Variants in ARFIP1 observed in about 807,000 individuals in gnomAD.
The protein encoded by ARFIP1 is arfaptin-1.
A neutral mutation model predicts 42.5 loss-of-function variants in ARFIP1; 24 were observed. That is an observed-to-expected ratio of 0.57 (90% CI 0.41 to 0.80). ARFIP1 has a LOEUF of 0.80. Ranked by LOEUF, ARFIP1 falls within the 30% of genes least tolerant of loss-of-function variation. The pLI, the probability that ARFIP1 is intolerant of heterozygous loss-of-function variation, is 0.00. For synonymous variants in ARFIP1, 141 were observed against 153.7 expected (o/e 0.92, Z 0.61); for missense variants, 354 against 434.0 (o/e 0.82, Z 1.64).
intron 2 of ARFIP1, among the ~76,000 whole-genome samples, chr4:152,842,744 T>C (rs1030332213): frequency 6.6e-6 from 1 of 152,196 alleles, no homozygotes; most frequent in Non-Finnish European, 1.5e-5. Flanking sequence ...TAAAAGTGTT[T>C]CCATAAAAGT....
At chr4:152,812,221 T>G (rs4696359) in intron 1 of ARFIP1, among the ~76,000 whole-genome samples, 146,555 of 152,268 alleles carry the variant, frequency 0.96, 70,580 homozygotes, top group Non-Finnish European at 0.98. Context: ...TTGAGATGAG[T>G]TCTTGCTGCG....
At chr4:152,858,700 T>C (rs551874796) in intron 2 of ARFIP1, among the ~76,000 whole-genome samples, 1 of 152,342 alleles carries the variant, frequency 6.6e-6, no homozygotes, top group African/African-American at 2.4e-5. Flanking sequence ...GTGCTGGGTA[T>C]ATAGCAGTAA....
intron 1 of ARFIP1, among the ~76,000 whole-genome samples, chr4:152,820,935 A>G (rs1730316831): frequency 6.6e-6 from 1 of 152,220 alleles, no homozygotes; most frequent in East Asian, 1.9e-4. Context: ...ATAAACTACA[A>G]ACATTTAAGT....
intron 8 of ARFIP1, among the ~76,000 whole-genome samples, chr4:152,893,867 T>G (rs1206542806): frequency 6.6e-6 from 1 of 152,118 alleles, no homozygotes; most frequent in Non-Finnish European, 1.5e-5. Context: ...ATGAAAACTG[T>G]TGTTTTCACT....
intron 5 of ARFIP1, among the ~76,000 whole-genome samples, chr4:152,879,849 C>CAAAAA (rs1554033394): frequency 6.6e-6 from 1 of 151,710 alleles, no homozygotes; most frequent in African/African-American, 2.4e-5. Flanking sequence ...AACTCCATCT[C>CAAAAA]AAACAAAACA....
intron 2 of ARFIP1, among the ~76,000 whole-genome samples, chr4:152,862,384 A>G (rs189902185): frequency 6.0e-4 from 91 of 152,018 alleles, no homozygotes; most frequent in Non-Finnish European, 8.8e-4. Context: ...AAATTGTTGT[A>G]TACTTTCCTC....
chr4:152,802,613 T>C (rs541285272), intron 1 of ARFIP1, among the ~76,000 whole-genome samples: 1 of 134,952 alleles, frequency 7.4e-6, no homozygotes, highest in South Asian at 2.3e-4. Context: ...TAAAGAGCAA[T>C]GTAAATGTGT....
intron 8 of ARFIP1, among the ~76,000 whole-genome samples, chr4:152,897,312 A>G (rs1055357787): frequency 9.6e-5 from 14 of 145,386 alleles, no homozygotes; most frequent in African/African-American, 2.7e-4. Context: ...TAACCAATTC[A>G]TATAGTTTTT....
chr4:152,893,422 G>C (rs534754869), intron 8 of ARFIP1, among the ~76,000 whole-genome samples: 9 of 151,698 alleles, frequency 5.9e-5, no homozygotes, highest in Non-Finnish European at 1.2e-4. Context: ...TTTTTTTTTA[G>C]ATAGCTTTTT....
chr4:152,788,748 C>T (rs925747467), intron 1 of ARFIP1, among the ~76,000 whole-genome samples: 4 of 150,250 alleles, frequency 2.7e-5, no homozygotes, highest in Non-Finnish European at 4.4e-5. Flanking sequence ...AATATTGGCA[C>T]GTAATTATTA....
At chr4:152,854,816 G>A (rs1255973640) in intron 2 of ARFIP1, among the ~76,000 whole-genome samples, 1 of 152,202 alleles carries the variant, frequency 6.6e-6, no homozygotes, top group Non-Finnish European at 1.5e-5. Context: ...ATGTCAGATA[G>A]GTCACTCTTT....
intron 2 of ARFIP1, among the ~76,000 whole-genome samples, chr4:152,854,269 T>C (rs1578939164): frequency 6.6e-6 from 1 of 152,192 alleles, no homozygotes; most frequent in Non-Finnish European, 1.5e-5. Flanking sequence ...TTTTTGAATG[T>C]ATTTTGTATT....
intron 1 of ARFIP1, among the ~76,000 whole-genome samples, chr4:152,815,901 C>T (rs914827762): frequency 6.6e-5 from 10 of 151,842 alleles, no homozygotes; most frequent in Admixed American, 3.9e-4. Context: ...CCCGCCACTA[C>T]GCCCGGCTAA....
At chr4:152,899,081 C>A in intron 8 of ARFIP1, among the ~76,000 whole-genome samples, 1 of 152,128 alleles carries the variant, frequency 6.6e-6, no homozygotes, top group Non-Finnish European at 1.5e-5. Flanking sequence ...GATCTGGATA[C>A]CTGAGCTTTC....
intron 1 of ARFIP1, among the ~76,000 whole-genome samples, chr4:152,781,491 C>T (rs1730495852): frequency 6.6e-6 from 1 of 152,196 alleles, no homozygotes; most frequent in Non-Finnish European, 1.5e-5. Flanking sequence ...CCCTCCTCGG[C>T]CTCCCAAAGT....
At chr4:152,883,736 A>C (rs992592578) in intron 7 of ARFIP1, among the ~76,000 whole-genome samples, 8 of 151,508 alleles carry the variant, frequency 5.3e-5, no homozygotes, top group Admixed American at 3.9e-4. Flanking sequence ...AAAATATGGC[A>C]GACCTATAAT....
rs543656640 is a variant in ARFIP1 at position 152,870,822 on chromosome 4, A to G, written c.272A>G (p.Gln91Arg). 7 of 1,613,958 alleles carry G rather than the reference A, an allele frequency of 4.3e-6. No homozygotes were observed. The South Asian group carries it at 6.6e-5, about 15-fold the overall frequency. Residue 91 changes from glutamine (Q) to arginine (R), a missense_variant, in exon 4 of 9, where the codon CAA becomes CGA. Transcript: ENST00000353617. ...GTTGCAGCTAGTCGACTGGCTCAGC[A>G]AGGAAGTGATTTAATTGTTCCTGCA... ...SRVAASRLAQ[Q>R]GSDLIVPAGG...
chr4:152,844,498 T>A (rs1407813709), intron 2 of ARFIP1, among the ~76,000 whole-genome samples: 14 of 152,210 alleles, frequency 9.2e-5, no homozygotes, highest in Non-Finnish European at 2.9e-5. Flanking sequence ...AATTCTCTTT[T>A]TAAAGATTCC....
chr4:152,903,570 G>A (rs141927643), intron 8 of ARFIP1, among the ~76,000 whole-genome samples: 28 of 151,842 alleles, frequency 1.8e-4, no homozygotes, highest in African/African-American at 6.8e-4. Context: ...CTGATCTGAT[G>A]TGCATGTATA....
Sources: gnomAD v4.1 joint callset for allele counts (sites outside exome capture counted in the v4.1 genomes callset) on GRCh38, gnomAD v4.1.1 for gene constraint, MANE v1.5 for transcripts, NCBI Gene and HGNC (gene_info 2026-07-23, HGNC 2026-07-21) for gene names.